FGF14: variants seen among roughly 807,000 people sequenced by gnomAD.
FGF14 encodes fibroblast growth factor 14.
Under a neutral mutation model 25.5 loss-of-function variants are expected in FGF14, and 5 were observed. The ratio of observed to expected loss-of-function variants is 0.20; its 90% CI spans 0.10 to 0.41. FGF14 has a LOEUF of 0.41. Ranked by LOEUF, FGF14 falls within the 10% of genes least tolerant of loss-of-function variation. The pLI, the probability that FGF14 is intolerant of heterozygous loss-of-function variation, is 1.00. For synonymous variants in FGF14, 138 were observed against 118.3 expected (o/e 1.17, Z -1.08); for missense variants, 222 against 320.1 (o/e 0.69, Z 2.34).
chr13:102,338,253 T>C, intron 1 of FGF14, among the ~76,000 whole-genome samples: 1 of 152,134 alleles, frequency 6.6e-6, no homozygotes, highest in East Asian at 1.9e-4. Flanking sequence ...AAATATTAGG[T>C]GGAGAAATTG....
chr13:102,368,609 A>G (rs2057784369), intron 1 of FGF14, among the ~76,000 whole-genome samples: 2 of 152,182 alleles, frequency 1.3e-5, no homozygotes, highest in African/African-American at 4.8e-5. Context: ...CACATTGCCT[A>G]CTTAAGACAT....
At chr13:101,835,463 C>T (rs1339965752) in intron 3 of FGF14, among the ~76,000 whole-genome samples, 3 of 151,908 alleles carry the variant, frequency 2.0e-5, no homozygotes, top group Admixed American at 2.0e-4. Context: ...GTGTCTTGCT[C>T]TTATATTTTT....
Position 101,884,945 on chromosome 13 carries a change from A to G in FGF14, c.194-9649T>C, listed in dbSNP as rs996032754. Among the ~76,000 whole-genome samples the G allele has an allele frequency of 1.3e-4, 20 of 152,248 alleles. No individual in the cohort carries two copies. In the South Asian group the frequency reaches 2.7e-3, roughly 21 times the overall value. ...TTTCTTCTTAGGGGCTTGACTATGA[A>G]TAATTAGTAAGTGAGGAAGGGTGGA... On this transcript the variant is annotated intron_variant, in intron 1 of 4. Transcript: ENST00000376143.
chr13:101,854,341 T>G (rs1017978792), intron 3 of FGF14, among the ~76,000 whole-genome samples: 1 of 152,064 alleles, frequency 6.6e-6, no homozygotes, highest in African/African-American at 2.4e-5. Context: ...ACTCATTCAT[T>G]CCCTACTAAA....
At chr13:102,399,402 A>G (rs2058651255) in intron 1 of FGF14, among the ~76,000 whole-genome samples, 1 of 152,190 alleles carries the variant, frequency 6.6e-6, no homozygotes, top group South Asian at 2.1e-4. Flanking sequence ...CTTTTCACAG[A>G]AAGACACAAG....
chr13:101,857,286 T>C (rs1036877708), intron 3 of FGF14, among the ~76,000 whole-genome samples: 16 of 152,102 alleles, frequency 1.1e-4, no homozygotes, highest in Admixed American at 5.2e-4. Flanking sequence ...ATCTAGTTAT[T>C]CCTAAGCCTC....
In FGF14 at chr13:101,900,406, T is replaced by A. The variant is rs188261531; in HGVS notation, c.193+16047A>T. Among the ~76,000 whole-genome samples the A allele has an allele frequency of 9.2e-5, 14 of 152,176 alleles. No homozygotes were observed. The East Asian group carries it at 2.7e-3, about 29-fold the overall frequency. On this transcript the variant is annotated intron_variant, in intron 1 of 4. Coordinates refer to ENST00000376143, the MANE Select transcript of FGF14 (RefSeq NM_004115.4). Reference sequence around the variant, plus strand: ...CAAAAGTCACTTCTTTGAAAAAGACTAAATAAAATTTAATACACCCAAACG... The same window carrying A: ...CAAAAGTCACTTCTTTGAAAAAGACAAAATAAAATTTAATACACCCAAACG...
intron 1 of FGF14, among the ~76,000 whole-genome samples, chr13:102,282,774 T>A (rs943259990): frequency 3.3e-5 from 5 of 151,842 alleles, no homozygotes; most frequent in African/African-American, 1.2e-4. Context: ...CACTATTAGG[T>A]CACACTATTT....
intron 1 of FGF14, among the ~76,000 whole-genome samples, chr13:102,171,185 C>T (rs1217273051): frequency 3.9e-5 from 6 of 152,108 alleles, no homozygotes; most frequent in African/African-American, 9.7e-5. Context: ...ACGTATTGAT[C>T]GATCCCGCAT....
chr13:102,120,702 A>ATT (rs10611209), intron 1 of FGF14, among the ~76,000 whole-genome samples: 2 of 140,284 alleles, frequency 1.4e-5, no homozygotes, highest in Non-Finnish European at 3.1e-5. Flanking sequence ...TAGAAAAGTG[A>ATT]TTTTTTTTTT....
chr13:102,329,145 A>T (rs1234810146), intron 1 of FGF14, among the ~76,000 whole-genome samples: 1 of 152,088 alleles, frequency 6.6e-6, no homozygotes, highest in Non-Finnish European at 1.5e-5. Context: ...GGGTTGCATT[A>T]ATACCCATGA....
chr13:101,835,243 G>C lies in FGF14; in HGVS notation c.408+33482C>G, dbSNP rs185555070. On this transcript the variant is annotated intron_variant, in intron 3 of 4. Transcript: ENST00000376143. ...TGTGTATGTGGGTGTGTGTGTGAGA[G>C]AGAGACTGAAATAGAGAGAGAGAGA... Among the ~76,000 whole-genome samples the C allele has an allele frequency of 1.7e-3, 259 of 152,132 alleles. 1 individual carries two copies. Among genetic ancestry groups the C allele is most frequent in the African/African-American group, 6.0e-3 (249 of 41,534 alleles).
chr13:101,816,344 A>C (rs2041850608), intron 3 of FGF14, among the ~76,000 whole-genome samples: 1 of 151,184 alleles, frequency 6.6e-6, no homozygotes, highest in African/African-American at 2.4e-5. Context: ...TTTAATGTTT[A>C]TCTCTCTGAC....
intron 1 of FGF14, among the ~76,000 whole-genome samples, chr13:102,297,533 A>G (rs2141298499): frequency 6.6e-6 from 1 of 152,140 alleles, no homozygotes; most frequent in South Asian, 2.1e-4. Context: ...TATAATGAGA[A>G]CTCTGTACTC....
rs552221000 is a variant in FGF14, at chr13:101,779,536, A to G, written c.409-52726T>C. On this transcript the variant is annotated intron_variant, in intron 3 of 4. Transcript: ENST00000376143. ...TGTAATTTAGCAATATTTTTACATA[A>G]AACCATTATGTGTTTAAATTTATAT... Among the ~76,000 whole-genome samples, 76 of 152,340 alleles carry G rather than the reference A, an allele frequency of 5.0e-4. 2 individuals carry two copies. The highest frequency in any genetic ancestry group is 1.8e-3 in the African/African-American group (73 of 41,582).
chr13:101,903,108 C>T (rs1453430613), intron 1 of FGF14, among the ~76,000 whole-genome samples: 2 of 152,060 alleles, frequency 1.3e-5, no homozygotes, highest in African/African-American at 4.8e-5. Context: ...TATTTAGAAG[C>T]ATGCATGCTG....
At chr13:101,897,700 T>G (rs2030907174) in intron 1 of FGF14, among the ~76,000 whole-genome samples, 2 of 152,200 alleles carry the variant, frequency 1.3e-5, no homozygotes, top group South Asian at 4.2e-4. Context: ...GGAAATAAAC[T>G]TGGAAAGTGA....
chr13:101,959,416 A>C (rs7987221), intron 1 of FGF14, among the ~76,000 whole-genome samples: 15,486 of 152,136 alleles, frequency 0.1, 921 homozygotes, highest in Admixed American at 0.2. Flanking sequence ...CAGGTATATT[A>C]CTGGTGGTCT....
intron 3 of FGF14, among the ~76,000 whole-genome samples, chr13:101,861,929 A>G (rs1429212057): frequency 2.0e-5 from 3 of 152,178 alleles, no homozygotes; most frequent in Non-Finnish European, 4.4e-5. Context: ...GTTAACTATG[A>G]TCATAGCGGT....
Sources: allele counts gnomAD v4.1 joint callset (sites outside exome capture counted in the v4.1 genomes callset), GRCh38; gene constraint gnomAD v4.1.1; transcripts MANE v1.5; gene names NCBI Gene and HGNC (gene_info 2026-07-23, HGNC 2026-07-21).